CAPN14: variants seen among roughly 807,000 people sequenced by gnomAD.
CAPN14 encodes the protein calpain-14.
In CAPN14, 94 loss-of-function variants were observed where a neutral mutation model predicts 101.3. The observed-to-expected ratio is 0.93, with a 90% confidence interval of 0.79 to 1.10. The LOEUF (loss-of-function observed/expected upper bound fraction) is 1.10. Ranked by LOEUF, CAPN14 falls within the 50% of genes least tolerant of loss-of-function variation. The pLI, the probability that CAPN14 is intolerant of heterozygous loss-of-function variation, is 0.00. For missense variants in CAPN14, 837 were observed against 828.4 expected (o/e 1.01, Z -0.13); for synonymous variants, 338 against 317.9 (o/e 1.06, Z -0.67).
chr2:31,214,431 C>T (rs1016656027), intron 1 of CAPN14, among the ~76,000 whole-genome samples: 1 of 152,170 alleles, frequency 6.6e-6, no homozygotes, highest in African/African-American at 2.4e-5. Context: ...CTTAGGGCTC[C>T]TTTCCTGGGT....
chr2:31,181,090 A>G (rs1035293480), intron 16 of CAPN14, 90 bp from the exon 17 acceptor site: 3 of 972,976 alleles, frequency 3.1e-6, no homozygotes, highest in African/African-American at 3.3e-5. Flanking sequence ...TGCATGGGCC[A>G]GCTGATGACC....
chr2:31,229,080 CACTAA>C (rs1213175319), intron 1 of CAPN14, among the ~76,000 whole-genome samples: 4 of 152,150 alleles, frequency 2.6e-5, no homozygotes, highest in Admixed American at 2.0e-4. Context: ...AGTCCAAAAA[CACTAA>C]ACTTCAACAA....
At chr2:31,223,763 C>T (rs1444981353) in intron 2 of CAPN14, among the ~76,000 whole-genome samples, 1 of 151,994 alleles carries the variant, frequency 6.6e-6, no homozygotes, top group Non-Finnish European at 1.5e-5. Flanking sequence ...CTCCTGACCT[C>T]GTGATCCACC....
At chr2:31,229,392 A>G (rs1683121402) in intron 1 of CAPN14, among the ~76,000 whole-genome samples, 1 of 152,256 alleles carries the variant, frequency 6.6e-6, no homozygotes. Context: ...AACTTTGTGC[A>G]TCCAAGGACC....
At chr2:31,211,330 G>T (rs1010170220) in intron 1 of CAPN14, among the ~76,000 whole-genome samples, 3 of 151,996 alleles carry the variant, frequency 2.0e-5, no homozygotes, top group African/African-American at 7.2e-5. Flanking sequence ...TATTTTACAT[G>T]TAGAATATCT....
intron 21 of CAPN14, among the ~76,000 whole-genome samples, chr2:31,176,145 CTTGT>C (rs1680274943): frequency 6.6e-6 from 1 of 152,178 alleles, no homozygotes; most frequent in South Asian, 2.1e-4. Context: ...AGCTTGCTTG[CTTGT>C]GTTTCTCCCA....
chr2:31,193,249 G>C lies in CAPN14; in HGVS notation c.996C>G (p.Ile332Met), dbSNP rs774458548. ...TCAACAGGCCTGGGGTCAGTTTACA[G>C]ATAACCAGGAGCACGAAATGTGTTT... ...DFKTHFVLLVICKLTPGLLSQ... is the reference protein window; with the variant it reads ...DFKTHFVLLVMCKLTPGLLSQ... The change falls in exon 10 of 22, where the codon ATC becomes ATG. Residue 332 changes from isoleucine to methionine, a missense_variant. By Grantham distance (10) the Ile-to-Met change is conservative. Transcript: ENST00000403897. 17 of 1,551,706 alleles carry C rather than the reference G, an allele frequency of 1.1e-5. No homozygotes were observed. The South Asian group carries it at 2.0e-4, about 18-fold the overall frequency.
At chr2:31,184,430 C>A (rs773615401) in intron 16 of CAPN14, among the ~76,000 whole-genome samples, 9 of 152,224 alleles carry the variant, frequency 5.9e-5, no homozygotes, top group Non-Finnish European at 1.2e-4. Flanking sequence ...GGTTTCTAAA[C>A]CCTCAACACC....
intron 2 of CAPN14, among the ~76,000 whole-genome samples, chr2:31,226,265 G>A (rs890627039): frequency 6.6e-6 from 1 of 152,030 alleles, no homozygotes; most frequent in Non-Finnish European, 1.5e-5. Flanking sequence ...ACGCTCATAG[G>A]TTCTGCCTTT....
chr2:31,176,728 C>T, intron 20 of CAPN14, 86 bp from the exon 21 acceptor site: 1 of 1,245,186 alleles, frequency 8.0e-7, no homozygotes, highest in Non-Finnish European at 1.2e-6. Flanking sequence ...CTCACCTTAA[C>T]CACATCCATT....
chr2:31,206,157 C>T (rs556683565), intron 1 of CAPN14, among the ~76,000 whole-genome samples: 9 of 151,930 alleles, frequency 5.9e-5, no homozygotes, highest in South Asian at 2.1e-4. Context: ...CTCAGTCTCC[C>T]GAGTAGCTGG....
In CAPN14 at chr2:31,173,424, C is replaced by CT. The variant is rs1173317849; in HGVS notation, c.*1256dup. 1 of 152,178 alleles carries CT rather than the reference C, an allele frequency of 6.6e-6. No individual in the cohort carries two copies. The highest frequency in any genetic ancestry group is 1.5e-5 in the Non-Finnish European group (1 of 68,048). 9.4% of individuals were successfully genotyped at this position (152,178 alleles called of 1,614,324 possible). ...TCATTCAGCTTCCTTCCTGAGTCTG[C>CT]TATGGAGTTGGAAATCAAACAGCCA... On this transcript the variant is annotated 3_prime_UTR_variant, in exon 22 of 22. Transcript: ENST00000403897.
chr2:31,214,807 G>A (rs1268026833), intron 1 of CAPN14, among the ~76,000 whole-genome samples: 5 of 152,174 alleles, frequency 3.3e-5, no homozygotes, highest in Admixed American at 1.3e-4. Context: ...ACATCCGCTC[G>A]GCCTTTGTGG....
At chr2:31,208,459 G>A (rs1332421167) in intron 1 of CAPN14, among the ~76,000 whole-genome samples, 1 of 152,154 alleles carries the variant, frequency 6.6e-6, no homozygotes, top group Admixed American at 6.5e-5. Flanking sequence ...TCCTCTTCAA[G>A]CCTGCAAATA....
At chr2:31,210,176 G>A (rs1403003624) in intron 1 of CAPN14, among the ~76,000 whole-genome samples, 2 of 152,198 alleles carry the variant, frequency 1.3e-5, no homozygotes, top group African/African-American at 4.8e-5. Context: ...AGGAGCGGTG[G>A]CTCACGCCTG....
At chr2:31,191,071 C>A (rs1681152262) in intron 12 of CAPN14, among the ~76,000 whole-genome samples, 1 of 152,116 alleles carries the variant, frequency 6.6e-6, no homozygotes, top group African/African-American at 2.4e-5. Flanking sequence ...AATTTATCAT[C>A]TTTCCTATGC....
chr2:31,217,281 C>T (rs1309390969), intron 1 of CAPN14, among the ~76,000 whole-genome samples, 175 bp downstream of exon 1: 1 of 152,088 alleles, frequency 6.6e-6, no homozygotes, highest in African/African-American at 2.4e-5. Context: ...GATGGCAAAA[C>T]TGAGGACAAA....
chr2:31,212,973 T>C (rs1158245388), intron 1 of CAPN14, among the ~76,000 whole-genome samples: 1 of 152,238 alleles, frequency 6.6e-6, no homozygotes, highest in Non-Finnish European at 1.5e-5. Context: ...TACAAGACTC[T>C]GTCTACATGA....
At chr2:31,220,563 G>A (rs11692054), upstream of CAPN14, among the ~76,000 whole-genome samples, 4 of 152,168 alleles carry the variant, frequency 2.6e-5, no homozygotes, top group Admixed American at 1.3e-4. Context: ...GGTGGCTCAC[G>A]CCTGTAATCC....
Sources: gnomAD v4.1 joint callset for allele counts (sites outside exome capture counted in the v4.1 genomes callset) on GRCh38, gnomAD v4.1.1 for gene constraint, MANE v1.5 for transcripts, NCBI Gene and HGNC (gene_info 2026-07-23, HGNC 2026-07-21) for gene names.